The following ALK variants were observed in gnomAD, a reference collection of about 807,000 sequenced individuals.
ALK encodes ALK receptor tyrosine kinase, also known as ALK tyrosine kinase receptor.
A neutral mutation model predicts 163.1 loss-of-function variants in ALK; 74 were observed. The ratio of observed to expected loss-of-function variants is 0.45; its 90% CI spans 0.38 to 0.55. The LOEUF (loss-of-function observed/expected upper bound fraction) is 0.55. ALK is among the 20% of genes least tolerant of loss of function. The pLI, the probability that ALK is intolerant of heterozygous loss-of-function variation, is 0.00. For synonymous variants in ALK, 960 were observed against 843.2 expected (o/e 1.14, Z -2.40); for missense variants, 2,063 against 2,105.3 (o/e 0.98, Z 0.39).
intron 3 of ALK, among the ~76,000 whole-genome samples, chr2:29,635,336 G>A (rs1242366381): frequency 6.6e-6 from 1 of 152,122 alleles, no homozygotes; most frequent in Non-Finnish European, 1.5e-5. Context: ...CTTGACAAGG[G>A]GGTATTAACC....
At chr2:29,768,713 C>CTATGTGTGTGTG (rs149394341) in intron 1 of ALK, among the ~76,000 whole-genome samples, 5,472 of 142,882 alleles carry the variant, frequency 0.038, 117 homozygotes, top group African/African-American at 0.057. Context: ...TTATATATGT[C>CTATGTGTGTGTG]TGTGTGTGTG....
chr2:29,557,683 T>C (rs913383172), intron 3 of ALK, among the ~76,000 whole-genome samples: 1 of 152,178 alleles, frequency 6.6e-6, no homozygotes, highest in African/African-American at 2.4e-5. Context: ...GTGGGGGATG[T>C]ATAAAGTGGT....
chr2:29,491,992 A>C (rs959842512), intron 4 of ALK, among the ~76,000 whole-genome samples: 1 of 152,224 alleles, frequency 6.6e-6, no homozygotes, highest in Non-Finnish European at 1.5e-5. Context: ...CAATTCTAAT[A>C]CTTATAAATT....
chr2:29,387,901 A>G (rs931634137), intron 4 of ALK, among the ~76,000 whole-genome samples: 1 of 152,242 alleles, frequency 6.6e-6, no homozygotes, highest in Non-Finnish European at 1.5e-5. Flanking sequence ...CACAAGAGGC[A>G]ATGCAACCTA....
chr2:29,396,391 C>T (rs563342685), intron 4 of ALK, among the ~76,000 whole-genome samples: 9 of 152,238 alleles, frequency 5.9e-5, no homozygotes, highest in Admixed American at 5.2e-4. Context: ...AAAACTCAAA[C>T]ATGGCCGGGT....
At chr2:29,723,046 G>C (rs1186183752) in intron 1 of ALK, among the ~76,000 whole-genome samples, 2 of 151,962 alleles carry the variant, frequency 1.3e-5, no homozygotes, top group Non-Finnish European at 2.9e-5. Context: ...CTCAAAGAGG[G>C]CCCCCCTTCA....
chr2:29,604,811 G>C (rs757614919), intron 3 of ALK, among the ~76,000 whole-genome samples: 1 of 152,184 alleles, frequency 6.6e-6, no homozygotes, highest in African/African-American at 2.4e-5. Context: ...TATGCAGACA[G>C]TTGTCTCTGG....
At chr2:29,627,758 AATAAGTGTTAAAC>A (rs1676238506) in intron 3 of ALK, among the ~76,000 whole-genome samples, 1 of 152,266 alleles carries the variant, frequency 6.6e-6, no homozygotes, top group Non-Finnish European at 1.5e-5. Flanking sequence ...ATGCCTGCAT[AATAAGTGTTAAAC>A]AATTCATCTT....
At chr2:29,230,369 G>A (rs1182289477) in intron 15 of ALK, among the ~76,000 whole-genome samples, 1 of 151,810 alleles carries the variant, frequency 6.6e-6, no homozygotes, top group East Asian at 1.9e-4. Context: ...GGAAAGGGTG[G>A]AGGTATTCTA....
intron 1 of ALK, among the ~76,000 whole-genome samples, chr2:29,725,154 CAAAA>C (rs757959526): frequency 4.6e-4 from 31 of 67,374 alleles, no homozygotes; most frequent in African/African-American, 2.0e-3. Context: ...TATCCTATAC[CAAAA>C]AAAAAAAAAA....
chr2:29,198,262 A>T (rs1669073454), intron 26 of ALK, among the ~76,000 whole-genome samples: 1 of 152,170 alleles, frequency 6.6e-6, no homozygotes, highest in African/African-American at 2.4e-5. Flanking sequence ...ATGCCCACTC[A>T]TCAACTTCAC....
intron 2 of ALK, among the ~76,000 whole-genome samples, chr2:29,705,027 A>G (rs986516415): frequency 5.3e-5 from 8 of 151,408 alleles, no homozygotes; most frequent in South Asian, 4.2e-4. Context: ...AGACCAGCCT[A>G]GCCAACATAG....
chr2:29,596,533 T>C (rs1056676111), intron 3 of ALK, among the ~76,000 whole-genome samples: 3 of 151,870 alleles, frequency 2.0e-5, no homozygotes, highest in African/African-American at 4.8e-5. Context: ...TAAGAAACAA[T>C]AGAGATTCAG....
At chr2:29,775,281 C>A (rs1681140500) in intron 1 of ALK, among the ~76,000 whole-genome samples, 1 of 152,144 alleles carries the variant, frequency 6.6e-6, no homozygotes, top group Non-Finnish European at 1.5e-5. Context: ...TAACTCTGAG[C>A]AAACCATTCT....
chr2:29,820,765 A>G (rs1264577836), intron 1 of ALK, among the ~76,000 whole-genome samples: 1 of 152,198 alleles, frequency 6.6e-6, no homozygotes, highest in Non-Finnish European at 1.5e-5. Context: ...CCCTTAACTA[A>G]TCTTCCTCTT....
intron 1 of ALK, among the ~76,000 whole-genome samples, chr2:29,795,083 G>T (rs1471948645): frequency 6.6e-6 from 1 of 152,086 alleles, no homozygotes; most frequent in Non-Finnish European, 1.5e-5. Flanking sequence ...AACAAACGTA[G>T]TAGATGGAGG....
chr2:29,219,583 C>T (rs1400780606), intron 23 of ALK, among the ~76,000 whole-genome samples: 1 of 152,206 alleles, frequency 6.6e-6, no homozygotes, highest in Non-Finnish European at 1.5e-5. Flanking sequence ...TGGATCCTAA[C>T]CTTGGGGCCT....
intron 1 of ALK, among the ~76,000 whole-genome samples, chr2:29,901,209 C>T (rs1423002101): frequency 6.6e-6 from 1 of 152,198 alleles, no homozygotes; most frequent in Non-Finnish European, 1.5e-5. Context: ...CTATCTGTCT[C>T]TTGCAGCTGT....
At chr2:29,506,409 C>T (rs908272022) in intron 4 of ALK, among the ~76,000 whole-genome samples, 3 of 152,098 alleles carry the variant, frequency 2.0e-5, no homozygotes, top group Non-Finnish European at 4.4e-5. Flanking sequence ...ACAGGGTGAG[C>T]TCATCAGGGG....
Sources: gnomAD v4.1 joint callset for allele counts (sites outside exome capture counted in the v4.1 genomes callset) on GRCh38, gnomAD v4.1.1 for gene constraint, MANE v1.5 for transcripts, NCBI Gene and HGNC (gene_info 2026-07-23, HGNC 2026-07-21) for gene names.